The following CTDNEP1 variants were observed in gnomAD, a reference collection of about 807,000 sequenced individuals.
The protein encoded by CTDNEP1 is C-terminal domain nuclear envelope phosphatase 1.
Under a neutral mutation model 30.1 loss-of-function variants are expected in CTDNEP1, and 3 were observed. The ratio of observed to expected loss-of-function variants is 0.10; its 90% CI spans 0.05 to 0.26. The LOEUF is 0.26. CTDNEP1 is among the 10% of genes least tolerant of loss of function. CTDNEP1 has a pLI of 1.00. For missense variants in CTDNEP1, 158 were observed against 310.4 expected (o/e 0.51, Z 3.69); for synonymous variants, 123 against 118.8 (o/e 1.04, Z -0.23).
chr17:7,248,366 T>TC (rs1302062048), intron 1 of CTDNEP1, among the ~76,000 whole-genome samples: 1 of 148,542 alleles, frequency 6.7e-6, no homozygotes, highest in Non-Finnish European at 1.5e-5. Context: ...TTTTTTCTTT[T>TC]TTTTTTTTTT....
Position 7,251,685 on chromosome 17 carries a change from GA to G in CTDNEP1, c.-390del, listed in dbSNP as rs1209917490. On this transcript the variant is annotated 5_prime_UTR_variant, in exon 1 of 8. Coordinates refer to ENST00000574322, the MANE Select transcript of CTDNEP1 (RefSeq NM_001143775.2). ...AAGGGAGGAAGGGAAAAGGGAAGGG[GA>G]GGGGGGGAAAGCAGAGAGTGGCCCG... 7 of 151,388 alleles carry G rather than the reference GA, an allele frequency of 4.6e-5. No individual in the cohort carries two copies. The highest frequency in any genetic ancestry group is 2.1e-4 in the South Asian group (1 of 4,812). The allele number at this position is 151,388 out of a possible 1,614,324, so 9.4% of individuals were successfully genotyped here.
At position 7,244,592 on chromosome 17, in the gene CTDNEP1, G is replaced by A. The variant is rs777478218; in HGVS notation, c.633C>T (p.Asp211=). The A allele has an allele frequency of 2.5e-6, 4 of 1,613,724 alleles. No homozygotes were observed. The African/African-American group carries it at 4.0e-5, about 16-fold the overall frequency. The change falls in exon 7 of 8, where the codon GAC becomes GAT. Residue 211 remains aspartate (D), a synonymous_variant. Coordinates refer to ENST00000574322, the MANE Select transcript of CTDNEP1 (RefSeq NM_001143775.2). ...TTGGGAGCAGGTTGAGAAGGGCTGT[G>A]TCGCTGGGGTCACTGAACCAGGATT... The part of the protein sequence containing the change: ...PIKSWFSDPS[D]TALLNLLPML...
chr17:7,245,916 G>A (rs2071831327), intron 6 of CTDNEP1, 110 bp downstream of exon 6: 2 of 685,918 alleles, frequency 2.9e-6, no homozygotes, highest in Admixed American at 4.7e-5. Context: ...AGCAAACTAG[G>A]GATAATCTAG....
Position 7,248,547 on chromosome 17 carries a change from C to T in CTDNEP1, c.103-1204G>A, listed in dbSNP as rs552336845. ...CTAATTTTTGTATTTTTAGTAGAGA[C>T]GGGGTTTCACCATATTGGCCAGGCT... On this transcript the variant is annotated intron_variant, in intron 1 of 7. Coordinates refer to ENST00000574322, the MANE Select transcript of CTDNEP1 (RefSeq NM_001143775.2). Among the ~76,000 whole-genome samples, 12 of 151,698 alleles carry T rather than the reference C, an allele frequency of 7.9e-5. No homozygotes were observed. In the East Asian group the frequency reaches 1.2e-3, roughly 15 times the overall value.
In CTDNEP1 at chr17:7,246,791, C is replaced by G. The variant is rs1011585141; in HGVS notation, c.360G>C (p.Val120=). The G allele has an allele frequency of 1.9e-6, 3 of 1,613,492 alleles. 1 individual carries two copies. The highest frequency in any genetic ancestry group is 1.7e-5 in the Admixed American group (1 of 60,002). ...KRPHVDFFLE[V]VSQWYELVVF... ...CTCCCTTTAGCTCTCCAAAACTCAC[C>G]ACTTCCAGGAAGAAATCCACATGGG... Residue 120 remains valine (V), a splice_region_variant and synonymous_variant, in exon 4 of 8, where the codon GTG becomes GTC. Transcript: ENST00000574322. This position sits in a 1 kb window ranked among gnomAD's most constrained non-coding sequence, Gnocchi z 4.9.
chr17:7,246,895 A>G lies in CTDNEP1; in HGVS notation c.289-33T>C. The stretch of plus-strand genomic sequence containing the variant: ...GGAACAAGATGGGCTGGGGGATGTC[A>G]TGACCACCACAACCCAGGCCTAGAA... On this transcript the variant is annotated intron_variant, in intron 3 of 7. Transcript: ENST00000574322. The surrounding 1 kb of genome is among the most constrained non-coding windows in gnomAD (Gnocchi z 4.9). The G allele has an allele frequency of 6.3e-7, 1 of 1,591,652 alleles. No homozygotes were observed. Among genetic ancestry groups the G allele is most frequent in the Non-Finnish European group, 8.6e-7 (1 of 1,159,816 alleles).
At chr17:7,244,430 C>G (rs948324252) in intron 7 of CTDNEP1, 121 bp downstream of exon 7, 1 of 1,238,852 alleles carries the variant, frequency 8.1e-7, no homozygotes, top group South Asian at 1.2e-5. Context: ...GACCTGGGTC[C>G]AAATGTTAAA....
chr17:7,251,098 C>A (rs569741607), intron 1 of CTDNEP1, 97 bp downstream of exon 1: 2 of 820,548 alleles, frequency 2.4e-6, no homozygotes, highest in Admixed American at 3.3e-5. Flanking sequence ...TAGGCCCAAA[C>A]AGAGGCCCGA....
At position 7,251,298 on chromosome 17, in the gene CTDNEP1, C is replaced by T. The variant is rs1198583210; in HGVS notation, c.-2G>A. The T allele has an allele frequency of 1.3e-5, 20 of 1,566,700 alleles. No individual in the cohort carries two copies. The highest frequency in any genetic ancestry group is 1.7e-5 in the Non-Finnish European group (20 of 1,159,196). On this transcript the variant is annotated 5_prime_UTR_variant, in exon 1 of 8. Transcript: ENST00000574322. ...CAGCAGACACTGCGTCCGCATCATC[C>T]CGATGACCCCGGCACCGCCGGCCCC...
chr17:7,245,361 G>A lies in CTDNEP1; in HGVS notation c.589+665C>T, dbSNP rs190965938. Among the ~76,000 whole-genome samples the A allele has an allele frequency of 6.3e-4, 95 of 151,986 alleles. 1 individual carries two copies. The highest frequency in any genetic ancestry group is 2.3e-3 in the African/African-American group (94 of 41,502). ...ACGCCTGTAGTCCCAACTACTGAGAGGCTGAGGCAGAAGGATCACTTGAGC... is the reference window on the plus strand; with the variant it reads ...ACGCCTGTAGTCCCAACTACTGAGAAGCTGAGGCAGAAGGATCACTTGAGC... On this transcript the variant is annotated intron_variant, in intron 6 of 7. Transcript: ENST00000574322.
intron 1 of CTDNEP1, among the ~76,000 whole-genome samples, chr17:7,248,259 C>CCAAAAAAAAAAAAAA (rs1379101575): frequency 6.5e-5 from 1 of 15,406 alleles, no homozygotes; most frequent in African/African-American, 9.6e-5. Context: ...GACTCCGTCG[C>CCAAAAAAAAAAAAAA]AAAAAAAAAA....
chr17:7,251,512 CG>C lies in CTDNEP1; in HGVS notation c.-217del. 2.7e-6 allele frequency: 1 copy of C among 369,018 alleles called. No homozygotes were observed. The highest frequency in any genetic ancestry group is 4.8e-6 in the Non-Finnish European group (1 of 208,968). 22.9% of individuals were successfully genotyped at this position (369,018 alleles called of 1,614,324 possible). A position where few individuals can be genotyped will look rare whatever the true frequency, so the allele number is the denominator to read the frequency against. On this transcript the variant is annotated 5_prime_UTR_variant, in exon 1 of 8. An upstream open reading frame in the 5' UTR loses its in-frame stop. Coordinates refer to ENST00000574322, the MANE Select transcript of CTDNEP1 (RefSeq NM_001143775.2). Reference sequence around the variant, plus strand: ...CTGGGGGACAGGCGTGGGCAGCCCGCGGGGGCCCACATGGGCTGGGAGTGGC... The same window carrying C: ...CTGGGGGACAGGCGTGGGCAGCCCGCGGGGCCCACATGGGCTGGGAGTGGC...
Position 7,251,380 on chromosome 17 carries a change from A to G in CTDNEP1, c.-84T>C. 1.0e-6 allele frequency: 1 copy of G among 970,864 alleles called. No homozygotes were observed. The highest frequency in any genetic ancestry group is 1.4e-6 in the Non-Finnish European group (1 of 716,956). 60.1% of individuals were successfully genotyped at this position (970,864 alleles called of 1,614,324 possible). ...CCGGGGGCAGCCCCCCGCCGCCGGG[A>G]GGGGGAACGGGGGCCCCGAGTGGCA... On this transcript the variant is annotated 5_prime_UTR_variant, in exon 1 of 8. Coordinates refer to ENST00000574322, the MANE Select transcript of CTDNEP1 (RefSeq NM_001143775.2).
intron 7 of CTDNEP1, 77 bp downstream of exon 7, chr17:7,244,474 C>CT (rs1406423520): frequency 7.1e-7 from 1 of 1,415,122 alleles, no homozygotes. Context: ...CAGGACAAAC[C>CT]TTTTTTATTC....
At chr17:7,245,510 T>C (rs1467681442) in intron 6 of CTDNEP1, among the ~76,000 whole-genome samples, 1 of 151,560 alleles carries the variant, frequency 6.6e-6, no homozygotes, top group African/African-American at 2.4e-5. Context: ...TATTATTTAT[T>C]TTTTTTGAGA....
In CTDNEP1 at chr17:7,251,356, CG is replaced by C; in HGVS notation, c.-61del. ...CCGCGGCCCAGCTCCGCCAGCCCCCCGGGGGCAGCCCCCCGCCGCCGGGAGG... is the reference window on the plus strand; with the variant it reads ...CCGCGGCCCAGCTCCGCCAGCCCCCCGGGGCAGCCCCCCGCCGCCGGGAGG... On this transcript the variant is annotated 5_prime_UTR_variant, in exon 1 of 8. Transcript: ENST00000574322. 4 of 1,195,010 alleles carry C rather than the reference CG, an allele frequency of 3.3e-6. No homozygotes were observed. Among genetic ancestry groups the C allele is most frequent in the Non-Finnish European group, 3.3e-6 (3 of 910,704 alleles). 74.0% of individuals were successfully genotyped at this position (1,195,010 alleles called of 1,614,324 possible). A position where few individuals can be genotyped will look rare whatever the true frequency, so the allele number is the denominator to read the frequency against.
Position 7,243,955 on chromosome 17 carries a change from G to A in CTDNEP1, c.*230C>T. 1 of 1,372,246 alleles carries A rather than the reference G, an allele frequency of 7.3e-7. No individual in the cohort carries two copies. The highest frequency in any genetic ancestry group is 9.4e-7 in the Non-Finnish European group (1 of 1,060,604). The allele number at this position is 1,372,246 out of a possible 1,614,324, so 85.0% of individuals were successfully genotyped here. On this transcript the variant is annotated 3_prime_UTR_variant, in exon 8 of 8. Transcript: ENST00000574322. The stretch of plus-strand genomic sequence containing the variant: ...AGGCTTCCGCCTGTGTCCCAGTCTG[G>A]GGTTTCCATGGAGTGTGAACACGAA...
In CTDNEP1 at chr17:7,246,120, C is replaced by T; in HGVS notation, c.495G>A (p.Leu165=). ...CAGAGAGGTCCTTGATGTAGCTGCCCAACTCCAAAGTGCAGTGCTGGAAGG... is the reference window on the plus strand; with the variant it reads ...CAGAGAGGTCCTTGATGTAGCTGCCTAACTCCAAAGTGCAGTGCTGGAAGG... ...RYYRQHCTLE[L]GSYIKDLSVV... is the part of the protein sequence containing the mutation. The change falls in exon 6 of 8, where the codon TTG becomes TTA. Residue 165 remains leucine, a synonymous_variant. Coordinates refer to ENST00000574322, the MANE Select transcript of CTDNEP1 (RefSeq NM_001143775.2). The surrounding 1 kb of genome is among the most constrained non-coding windows in gnomAD (Gnocchi z 4.9). 1 of 1,613,890 alleles carries T rather than the reference C, an allele frequency of 6.2e-7. No individual in the cohort carries two copies. The highest frequency in any genetic ancestry group is 8.5e-7 in the Non-Finnish European group (1 of 1,179,850).
chr17:7,244,253 G>T lies in CTDNEP1; in HGVS notation c.675-8C>A. On this transcript the variant is annotated splice_polypyrimidine_tract_variant and splice_region_variant and intron_variant, in intron 7 of 7. Transcript: ENST00000574322. The stretch of plus-strand genomic sequence containing the variant: ...CGAACATCAGCGGTGAACCTGGGGT[G>T]ACAATAACTTGCATTGGTAGAGTAC... The T allele has an allele frequency of 6.2e-7, 1 of 1,613,976 alleles. No individual in the cohort carries two copies. The highest frequency in any genetic ancestry group is 1.1e-5 in the South Asian group (1 of 91,060).
Sources: gnomAD v4.1 joint callset for allele counts (sites outside exome capture counted in the v4.1 genomes callset) on GRCh38, gnomAD v4.1.1 for gene constraint, Gnocchi (gnomAD v3.1) non-coding constraint, MANE v1.5 for transcripts, NCBI Gene and HGNC (gene_info 2026-07-23, HGNC 2026-07-21) for gene names.